QTMAN: variants seen among roughly 807,000 people sequenced by gnomAD.
QTMAN encodes queuosine-tRNA mannosyltransferase.
the QTMAN span, among the ~76,000 whole-genome samples, chr2:144,240,394 T>A: frequency 2.0e-4 from 30 of 152,306 alleles, no homozygotes; most frequent in South Asian, 1.7e-3. Context: ...AAAAAATGAC[T>A]CCTTTATCAA....
At chr2:144,326,831 G>T in the QTMAN span, among the ~76,000 whole-genome samples, 7 of 152,086 alleles carry the variant, frequency 4.6e-5, no homozygotes. Flanking sequence ...ACATGATCTA[G>T]ATGTAAAGAC....
chr2:144,208,189 C>T, the QTMAN span, among the ~76,000 whole-genome samples: 5 of 152,172 alleles, frequency 3.3e-5, no homozygotes, highest in African/African-American at 1.2e-4. Flanking sequence ...CCATCTTTCA[C>T]CTCTCATTGC....
the QTMAN span, among the ~76,000 whole-genome samples, chr2:144,175,784 C>G: frequency 1.3e-5 from 2 of 152,124 alleles, no homozygotes; most frequent in Admixed American, 6.6e-5. Flanking sequence ...CCTGCCTCAG[C>G]CTCCCAAGTA....
chr2:144,220,826 T>C, the QTMAN span, among the ~76,000 whole-genome samples: 1 of 152,242 alleles, frequency 6.6e-6, no homozygotes, highest in Non-Finnish European at 1.5e-5. Flanking sequence ...TATCCTCTAT[T>C]TTCTATAATA....
the QTMAN span, among the ~76,000 whole-genome samples, chr2:144,157,627 T>C: frequency 6.6e-6 from 1 of 151,958 alleles, no homozygotes; most frequent in Non-Finnish European, 1.5e-5. Flanking sequence ...GAATGTCCAA[T>C]TATTTTTGTG....
chr2:143,971,058 T>C, the QTMAN span, among the ~76,000 whole-genome samples: 1 of 152,112 alleles, frequency 6.6e-6, no homozygotes, highest in Non-Finnish European at 1.5e-5. Context: ...GAAAGTATAG[T>C]GTATTTACTC....
At chr2:144,249,941 G>A in the QTMAN span, among the ~76,000 whole-genome samples, 2 of 152,078 alleles carry the variant, frequency 1.3e-5, no homozygotes, top group Non-Finnish European at 2.9e-5. Flanking sequence ...TCTAGAAAAT[G>A]TAAACCAATC....
the QTMAN span, among the ~76,000 whole-genome samples, chr2:143,979,444 T>C: frequency 6.6e-6 from 1 of 152,224 alleles, no homozygotes; most frequent in Non-Finnish European, 1.5e-5. Flanking sequence ...TGCGTGTCCA[T>C]TGTAATAAAA....
At chr2:144,217,453 C>T in the QTMAN span, among the ~76,000 whole-genome samples, 3 of 151,450 alleles carry the variant, frequency 2.0e-5, no homozygotes, top group African/African-American at 4.9e-5. Flanking sequence ...ATATATAACA[C>T]GGTATATGTT....
chr2:144,158,520 G>A, the QTMAN span, among the ~76,000 whole-genome samples: 1 of 151,894 alleles, frequency 6.6e-6, no homozygotes, highest in Non-Finnish European at 1.5e-5. Context: ...CAGCATACAT[G>A]AGGCTAAAAA....
chr2:144,222,155 G>T, the QTMAN span, among the ~76,000 whole-genome samples: 3 of 152,066 alleles, frequency 2.0e-5, no homozygotes, highest in East Asian at 5.9e-4. Context: ...CGCCTCCCGG[G>T]TTTACACCAT....
the QTMAN span, among the ~76,000 whole-genome samples, chr2:144,081,465 T>G: frequency 1.3e-5 from 2 of 152,054 alleles, no homozygotes; most frequent in Admixed American, 1.3e-4. Context: ...ACAGCTGCAT[T>G]TTGTTGGGTT....
the QTMAN span, chr2:144,145,838 C>A: frequency 1.1e-6 from 1 of 911,700 alleles, no homozygotes; most frequent in Non-Finnish European, 1.7e-6. Flanking sequence ...CCAAGAAAAA[C>A]ACATCCCCTA....
the QTMAN span, among the ~76,000 whole-genome samples, chr2:144,140,894 C>A: frequency 6.6e-5 from 10 of 152,092 alleles, no homozygotes; most frequent in South Asian, 2.1e-3. Context: ...TTGTATGGGG[C>A]AGATTTTTCT....
At chr2:144,025,790 A>G in the QTMAN span, among the ~76,000 whole-genome samples, 2 of 152,188 alleles carry the variant, frequency 1.3e-5, no homozygotes, top group Admixed American at 1.3e-4. Context: ...CTATGTAACT[A>G]GCGTACTCCC....
the QTMAN span, chr2:144,011,687 TG>T: frequency 3.1e-6 from 3 of 982,660 alleles, no homozygotes; most frequent in Admixed American, 1.9e-4. Flanking sequence ...GGGGTGAAAC[TG>T]GCTTTTCTAT....
the QTMAN span, among the ~76,000 whole-genome samples, chr2:144,110,690 A>ACCCC: frequency 2.2e-3 from 255 of 117,026 alleles, 5 homozygotes; most frequent in African/African-American, 9.9e-3. Context: ...CCCCCCCCCA[A>ACCCC]AAAAAAAAAA....
At chr2:144,216,114 CTT>C in the QTMAN span, among the ~76,000 whole-genome samples, 20 of 152,160 alleles carry the variant, frequency 1.3e-4, no homozygotes, top group African/African-American at 4.3e-4. Flanking sequence ...GTTTTAGACT[CTT>C]ATAACTTCAC....
At chr2:144,125,957 C>T in the QTMAN span, among the ~76,000 whole-genome samples, 1 of 151,860 alleles carries the variant, frequency 6.6e-6, no homozygotes, top group South Asian at 2.1e-4. Context: ...AAAAATTGAA[C>T]GTTAAGTCAA....
Sources: allele counts gnomAD v4.1 joint callset (sites outside exome capture counted in the v4.1 genomes callset), GRCh38; gene constraint gnomAD v4.1.1; transcripts MANE v1.5; gene names NCBI Gene and HGNC (gene_info 2026-07-23, HGNC 2026-07-21).